GLRA3: variants seen among roughly 807,000 people sequenced by gnomAD.
GLRA3 encodes the protein glycine receptor alpha 3.
A neutral mutation model predicts 60.4 loss-of-function variants in GLRA3; 44 were observed. That is an observed-to-expected ratio of 0.73 (90% confidence interval 0.57 to 0.94). The LOEUF is 0.94. Ranked by LOEUF, GLRA3 falls within the 40% of genes least tolerant of loss-of-function variation. The pLI is 0.00. For missense variants in GLRA3, 508 were observed against 564.6 expected, an observed-to-expected ratio of 0.90 and a Z score of 1.02; for synonymous variants, 223 against 192.9, an observed-to-expected ratio of 1.16 and a Z score of -1.29.
chr4:174,756,737 C>T (rs1043029744), intron 3 of GLRA3, among the ~76,000 whole-genome samples: 27 of 151,768 alleles, frequency 1.8e-4, no homozygotes, highest in Admixed American at 6.6e-4. Flanking sequence ...CTCCGCCTCC[C>T]GGGTTCACGC....
intron 1 of GLRA3, among the ~76,000 whole-genome samples, chr4:174,810,873 C>A (rs1034912320): frequency 6.6e-6 from 1 of 152,050 alleles, no homozygotes; most frequent in South Asian, 2.1e-4. Flanking sequence ...TTGTCAAATC[C>A]GTGAAATAGC....
In GLRA3 at chr4:174,680,023, A is replaced by G. The variant is rs143917872; in HGVS notation, c.713-2731T>C. On this transcript the variant is annotated intron_variant, in intron 6 of 9. Transcript: ENST00000274093. ...ATTTGGAATGTTCCCAACACAAAGAATTGATAAATCTATGAGGTGATAGAT... is the reference window on the plus strand; with the variant it reads ...ATTTGGAATGTTCCCAACACAAAGAGTTGATAAATCTATGAGGTGATAGAT... 8.4e-3 allele frequency among the ~76,000 whole-genome samples: 1,279 copies of G among 152,320 alleles called. 19 individuals are homozygous for G. Among genetic ancestry groups the G allele is most frequent in the African/African-American group, 0.029 (1,225 of 41,564 alleles).
chr4:174,788,510 A>G (rs1200175763), intron 2 of GLRA3, among the ~76,000 whole-genome samples: 1 of 151,230 alleles, frequency 6.6e-6, no homozygotes, highest in Non-Finnish European at 1.5e-5. Context: ...TGATAGAATA[A>G]TTAAATAAAG....
At chr4:174,771,536 C>T (rs1738386275) in intron 2 of GLRA3, among the ~76,000 whole-genome samples, 1 of 151,510 alleles carries the variant, frequency 6.6e-6, no homozygotes, top group Admixed American at 6.6e-5. Flanking sequence ...TGACTCATAT[C>T]CTCTGGAAAA....
chr4:174,782,422 C>T (rs1315499142), intron 2 of GLRA3, among the ~76,000 whole-genome samples: 4 of 150,124 alleles, frequency 2.7e-5, no homozygotes, highest in African/African-American at 9.8e-5. Flanking sequence ...CAGGGATGCC[C>T]TCTCTCACCA....
intron 3 of GLRA3, among the ~76,000 whole-genome samples, chr4:174,752,486 TAAG>T (rs1737526493): frequency 6.6e-6 from 1 of 152,084 alleles, no homozygotes; most frequent in Non-Finnish European, 1.5e-5. Flanking sequence ...TTAGCATCAT[TAAG>T]GAGTGGAGGC....
chr4:174,675,322 A>G (rs1734073534), intron 7 of GLRA3, among the ~76,000 whole-genome samples: 1 of 152,148 alleles, frequency 6.6e-6, no homozygotes, highest in African/African-American at 2.4e-5. Flanking sequence ...AAGCAGTCCT[A>G]GACATTCTTC....
chr4:174,715,754 G>A (rs1364330414), intron 4 of GLRA3, among the ~76,000 whole-genome samples, 184 bp from the exon 5 acceptor site: 1 of 152,148 alleles, frequency 6.6e-6, no homozygotes, highest in African/African-American at 2.4e-5. Flanking sequence ...GCTTTGGTGG[G>A]CTGGGGGTTG....
At chr4:174,717,975 C>T (rs1238034688) in intron 4 of GLRA3, among the ~76,000 whole-genome samples, 2 of 152,082 alleles carry the variant, frequency 1.3e-5, no homozygotes, top group Non-Finnish European at 2.9e-5. Context: ...TCTCACCATG[C>T]ATGTGATGTC....
intron 9 of GLRA3, among the ~76,000 whole-genome samples, chr4:174,652,431 T>G (rs1230281911): frequency 6.6e-6 from 1 of 152,100 alleles, no homozygotes; most frequent in Non-Finnish European, 1.5e-5. Context: ...ATTAAAAAGT[T>G]AAAGAAGTAG....
chr4:174,779,354 A>C (rs994224651), intron 2 of GLRA3, among the ~76,000 whole-genome samples: 1 of 152,178 alleles, frequency 6.6e-6, no homozygotes, highest in East Asian at 1.9e-4. Context: ...TAAAACCACA[A>C]AGATGGGGAA....
At chr4:174,753,732 T>C (rs1403899241) in intron 3 of GLRA3, among the ~76,000 whole-genome samples, 2 of 152,174 alleles carry the variant, frequency 1.3e-5, no homozygotes, top group Non-Finnish European at 1.5e-5. Flanking sequence ...TCATTTTCCA[T>C]TGCAAATTAA....
intron 1 of GLRA3, among the ~76,000 whole-genome samples, chr4:174,790,933 G>A (rs1428133632): frequency 6.6e-6 from 1 of 150,586 alleles, no homozygotes; most frequent in African/African-American, 2.4e-5. Context: ...GAACCTGGGA[G>A]GTGGGGCTTG....
chr4:174,741,471 C>T (rs918797663), intron 3 of GLRA3, among the ~76,000 whole-genome samples: 1 of 152,098 alleles, frequency 6.6e-6, no homozygotes, highest in Non-Finnish European at 1.5e-5. Flanking sequence ...TATAACTATT[C>T]TGGATACATA....
At chr4:174,814,650 A>G (rs993361607) in intron 1 of GLRA3, among the ~76,000 whole-genome samples, 1 of 152,216 alleles carries the variant, frequency 6.6e-6, no homozygotes, top group Non-Finnish European at 1.5e-5. Flanking sequence ...CATGTCTTAC[A>G]TAGATTGCAG....
rs978974374 is a variant in GLRA3 at position 174,641,796 on chromosome 4, A to G, written c.*1990T>C. 3.9e-5 allele frequency: 6 copies of G among 152,078 alleles called. No individual in the cohort carries two copies. Among genetic ancestry groups the G allele is most frequent in the Admixed American group, 3.3e-4 (5 of 15,252 alleles). 9.4% of individuals were successfully genotyped at this position (152,078 alleles called of 1,614,324 possible). A position where few individuals can be genotyped will look rare whatever the true frequency, so the allele number is the denominator to read the frequency against. On this transcript the variant is annotated 3_prime_UTR_variant, in exon 10 of 10. Transcript: ENST00000274093. ...GGGAAACTTTTGAAATAAGATGTGGAAAGTATAGAAAAACGTATTCAGGTA... is the reference window on the plus strand; with the variant it reads ...GGGAAACTTTTGAAATAAGATGTGGGAAGTATAGAAAAACGTATTCAGGTA...
intron 2 of GLRA3, among the ~76,000 whole-genome samples, chr4:174,776,513 A>G (rs773270753): frequency 1.1e-4 from 17 of 152,182 alleles, no homozygotes; most frequent in Non-Finnish European, 2.2e-4. Context: ...AAAGGGGCAG[A>G]ATGCAATAAA....
intron 1 of GLRA3, among the ~76,000 whole-genome samples, chr4:174,790,217 C>CTG (rs1410496318): frequency 6.6e-6 from 1 of 152,152 alleles, no homozygotes. Context: ...GACTCTCATT[C>CTG]TGTCATTCTC....
At chr4:174,823,474 G>A (rs1578944484) in intron 1 of GLRA3, among the ~76,000 whole-genome samples, 1 of 151,946 alleles carries the variant, frequency 6.6e-6, no homozygotes, top group African/African-American at 2.4e-5. Flanking sequence ...GCAGTGAGCC[G>A]AGATTGCACC....
Sources: allele counts gnomAD v4.1 joint callset (sites outside exome capture counted in the v4.1 genomes callset), GRCh38; gene constraint gnomAD v4.1.1; transcripts MANE v1.5; gene names NCBI Gene and HGNC (gene_info 2026-07-23, HGNC 2026-07-21).